The following SCNN1B variants were observed in gnomAD, a reference collection of about 807,000 sequenced individuals.
The protein encoded by SCNN1B is sodium channel epithelial 1 subunit beta.
SCNN1B carries 46 observed loss-of-function variants against 65.3 expected under a neutral mutation model. The ratio of observed to expected loss-of-function variants is 0.70; its 90% confidence interval spans 0.56 to 0.90. The LOEUF (loss-of-function observed/expected upper bound fraction) is 0.90. SCNN1B is among the 40% of genes least tolerant of loss of function. SCNN1B has a pLI of 0.00. For missense variants in SCNN1B, 751 were observed against 830.5 expected, an observed-to-expected ratio of 0.90 and a Z score of 1.18; for synonymous variants, 349 against 330.6, an observed-to-expected ratio of 1.06 and a Z score of -0.60.
At chr16:23,315,832 T>C (rs1389334491) in intron 1 of SCNN1B, among the ~76,000 whole-genome samples, 1 of 152,114 alleles carries the variant, frequency 6.6e-6, no homozygotes, top group Non-Finnish European at 1.5e-5. Flanking sequence ...TAGGGAGCAA[T>C]GTTTTGCCTG....
chr16:23,375,366 T>C (rs530799820), intron 7 of SCNN1B, among the ~76,000 whole-genome samples: 254 of 152,296 alleles, frequency 1.7e-3, no homozygotes, highest in Non-Finnish European at 2.9e-3. Context: ...GTCAGGTGCT[T>C]GGACGGAGGC....
At chr16:23,375,878 G>A (rs762460518) in intron 8 of SCNN1B, 23 bp downstream of exon 8, 16 of 1,481,694 alleles carry the variant, frequency 1.1e-5, no homozygotes, top group African/African-American at 8.3e-5. Flanking sequence ...ACGGGGGATC[G>A]GCACTCCAGC....
intron 1 of SCNN1B, among the ~76,000 whole-genome samples, chr16:23,325,924 T>A (rs1001402332): frequency 3.9e-5 from 5 of 128,410 alleles, no homozygotes; most frequent in East Asian, 2.2e-4. Context: ...TAAATAAATA[T>A]AAATAAAAGC....
At chr16:23,323,624 G>A in intron 1 of SCNN1B, 1 of 702,800 alleles carries the variant, frequency 1.4e-6, no homozygotes, top group Non-Finnish European at 2.6e-6. Flanking sequence ...TGACCCAACT[G>A]GGGTTTGAAC....
chr16:23,326,435 A>G (rs1961698432), intron 1 of SCNN1B, among the ~76,000 whole-genome samples: 1 of 152,078 alleles, frequency 6.6e-6, no homozygotes, highest in African/African-American at 2.4e-5. Context: ...AGATGCATAT[A>G]AACCCACATG....
chr16:23,363,451 C>T (rs1192746033), intron 4 of SCNN1B, among the ~76,000 whole-genome samples: 4 of 152,226 alleles, frequency 2.6e-5, no homozygotes, highest in Middle Eastern at 3.2e-3. Context: ...TCCAGACAGA[C>T]AAGGTCATGC....
At chr16:23,356,498 C>T (rs1962423700) in intron 4 of SCNN1B, among the ~76,000 whole-genome samples, 1 of 152,050 alleles carries the variant, frequency 6.6e-6, no homozygotes, top group African/African-American at 2.4e-5. Context: ...GTCATGCTCA[C>T]CTGTAATCCC....
At chr16:23,319,636 A>G (rs538691340) in intron 1 of SCNN1B, among the ~76,000 whole-genome samples, 119 of 152,362 alleles carry the variant, frequency 7.8e-4, no homozygotes, top group Middle Eastern at 3.4e-3. Flanking sequence ...GCCACAACAT[A>G]GACTGTATGG....
chr16:23,346,712 C>T (rs1962197600), intron 1 of SCNN1B, among the ~76,000 whole-genome samples: 1 of 147,706 alleles, frequency 6.8e-6, no homozygotes, highest in African/African-American at 2.5e-5. Context: ...AGGCTCCCTC[C>T]CCACTTCAGC....
chr16:23,379,345 A>G (rs1003579365), intron 11 of SCNN1B, among the ~76,000 whole-genome samples: 1 of 152,160 alleles, frequency 6.6e-6, no homozygotes, highest in African/African-American at 2.4e-5. Flanking sequence ...AAACATATGT[A>G]AAAAGGGCTC....
At position 23,294,678 on chromosome 16, in the gene SCNN1B, C is replaced by T. The variant is rs78767710; in HGVS notation, n.178+10874C>T. Among the ~76,000 whole-genome samples, 74 of 152,206 alleles carry T rather than the reference C, an allele frequency of 4.9e-4. No individual in the cohort carries two copies. In the South Asian group the frequency reaches 7.1e-3, roughly 15 times the overall value. On this transcript the variant is annotated intron_variant and non_coding_transcript_variant, in intron 2 of 3. Coordinates refer to the SCNN1B transcript ENST00000569789. ...CTTTAGGTCCTTGTTCATGAGTCCC[C>T]TTCTCTGATCATCCTATTTAAAGCT...
chr16:23,335,022 C>T (rs547627187), intron 1 of SCNN1B, among the ~76,000 whole-genome samples: 1 of 152,264 alleles, frequency 6.6e-6, no homozygotes, highest in African/African-American at 2.4e-5. Flanking sequence ...TTTAATTGCT[C>T]TTTTCAATAT....
At chr16:23,316,584 C>G (rs1383752175) in intron 1 of SCNN1B, among the ~76,000 whole-genome samples, 4 of 128,538 alleles carry the variant, frequency 3.1e-5, no homozygotes, top group Non-Finnish European at 5.9e-5. Flanking sequence ...ACCACCATCA[C>G]CATCTTCACC....
At chr16:23,301,356 T>A (rs76049628), upstream of SCNN1B, among the ~76,000 whole-genome samples, 1 of 55,434 alleles carries the variant, frequency 1.8e-5, no homozygotes, top group South Asian at 5.9e-4. Flanking sequence ...AGTGAGACTC[T>A]GTCAAAAAAA....
intron 5 of SCNN1B, among the ~76,000 whole-genome samples, chr16:23,370,445 C>G (rs1016066473): frequency 6.6e-6 from 1 of 152,146 alleles, no homozygotes; most frequent in Non-Finnish European, 1.5e-5. Flanking sequence ...CACATCACCC[C>G]GCAGGTAGCA....
intron 1 of SCNN1B, among the ~76,000 whole-genome samples, chr16:23,336,145 GC>G (rs1961934742): frequency 6.6e-6 from 1 of 152,172 alleles, no homozygotes. Flanking sequence ...TTTCAGACCT[GC>G]CCTTTGACTC....
chr16:23,361,637 C>T (rs952722659), intron 4 of SCNN1B, among the ~76,000 whole-genome samples: 2 of 152,202 alleles, frequency 1.3e-5, no homozygotes, highest in African/African-American at 4.8e-5. Flanking sequence ...CTAGCTTTGG[C>T]CACTCTGTCA....
chr16:23,371,520 C>T (rs1962784134), intron 6 of SCNN1B, 58 bp downstream of exon 6: 2 of 1,551,252 alleles, frequency 1.3e-6, no homozygotes, highest in East Asian at 4.5e-5. Context: ...CCCACCTGTC[C>T]AGGGCCAACT....
chr16:23,305,460 G>A (rs755464156), intron 1 of SCNN1B, among the ~76,000 whole-genome samples: 56 of 142,614 alleles, frequency 3.9e-4, no homozygotes, highest in Non-Finnish European at 6.3e-4. Context: ...CGAGACCAGC[G>A]AGTTGCTTGA....
Sources: allele counts gnomAD v4.1 joint callset (sites outside exome capture counted in the v4.1 genomes callset), GRCh38; gene constraint gnomAD v4.1.1; transcripts MANE v1.5; gene names NCBI Gene and HGNC (gene_info 2026-07-23, HGNC 2026-07-21).